The following RBFOX1 variants were observed in gnomAD, a reference collection of about 807,000 sequenced individuals.
RBFOX1 encodes RNA binding fox-1 homolog 1, also known as RNA binding protein fox-1 homolog 1.
Under a neutral mutation model 57.7 loss-of-function variants are expected in RBFOX1, and 8 were observed. The ratio of observed to expected loss-of-function variants is 0.14; its 90% CI spans 0.08 to 0.25. The LOEUF is 0.25. Ranked by LOEUF, RBFOX1 falls within the 10% of genes least tolerant of loss-of-function variation. The pLI is 1.00. For synonymous variants in RBFOX1, 326 were observed against 222.4 expected, an observed-to-expected ratio of 1.47 and a Z score of -4.15; for missense variants, 611 against 548.5, an observed-to-expected ratio of 1.11 and a Z score of -1.14.
intron 4 of RBFOX1, among the ~76,000 whole-genome samples, chr16:7,409,444 G>C (rs752593243): frequency 6.6e-6 from 1 of 152,112 alleles, no homozygotes; most frequent in South Asian, 2.1e-4. Flanking sequence ...TTCTTTCCCC[G>C]TCCCCATTGT....
intron 4 of RBFOX1, among the ~76,000 whole-genome samples, chr16:7,345,786 C>T (rs968283806): frequency 2.6e-5 from 4 of 152,128 alleles, no homozygotes; most frequent in Admixed American, 6.6e-5. Context: ...GAGACGCCGT[C>T]TGCATGTGTA....
chr16:6,938,722 A>C lies in RBFOX1; in HGVS notation c.-15-113335A>C, dbSNP rs141128379. Reference sequence around the variant, plus strand: ...GGCTGGTCTCGAATCACTTGAGATCAGAAGTTTGAAACCAGTTTGGCTGTC... The same window carrying C: ...GGCTGGTCTCGAATCACTTGAGATCCGAAGTTTGAAACCAGTTTGGCTGTC... On this transcript the variant is annotated intron_variant, in intron 3 of 15. Coordinates refer to ENST00000550418, the MANE Select transcript of RBFOX1 (RefSeq NM_018723.4). Among the ~76,000 whole-genome samples the C allele has an allele frequency of 7.6e-3, 1,152 of 152,264 alleles. 13 individuals are homozygous for C. The highest frequency in any genetic ancestry group is 0.049 in the South Asian group (235 of 4,824).
intron 1 of RBFOX1, among the ~76,000 whole-genome samples, chr16:5,380,343 C>T (rs934925231): frequency 6.6e-6 from 1 of 152,168 alleles, no homozygotes; most frequent in Non-Finnish European, 1.5e-5. Flanking sequence ...GATAGACGTA[C>T]AGAGCGGTTA....
rs977675077 is a variant in RBFOX1, at chr16:5,351,918, C to G, written c.219+111813C>G. Among the ~76,000 whole-genome samples, 6 of 152,294 alleles carry G rather than the reference C, an allele frequency of 3.9e-5. No individual in the cohort carries two copies. In the East Asian group the frequency reaches 7.7e-4, roughly 20 times the overall value. On this transcript the variant is annotated intron_variant, in intron 1 of 2. Transcript: ENST00000585867. ...TCCTGGGTTCAAGCGATTTTCCTGT[C>G]TCAACCTTCCGAGTAGCTGGGATTA... is the stretch of plus-strand genomic sequence containing the variant.
chr16:6,194,144 G>A (rs1439896619), intron 1 of RBFOX1, among the ~76,000 whole-genome samples: 1 of 152,136 alleles, frequency 6.6e-6, no homozygotes, highest in African/African-American at 2.4e-5. Context: ...TCCTCTCTCA[G>A]TTGATGGCCC....
intron 2 of RBFOX1, among the ~76,000 whole-genome samples, chr16:5,548,599 C>G (rs2045330520): frequency 6.6e-6 from 1 of 151,860 alleles, no homozygotes; most frequent in African/African-American, 2.4e-5. Flanking sequence ...ATGCCTGTAT[C>G]AAAACATCTC....
At chr16:7,470,224 G>A (rs1014864559) in intron 4 of RBFOX1, among the ~76,000 whole-genome samples, 3 of 152,192 alleles carry the variant, frequency 2.0e-5, no homozygotes, top group Non-Finnish European at 2.9e-5. Flanking sequence ...ATCTCACAGA[G>A]TATAAGAGCT....
chr16:6,049,053 CTT>C (rs534794320), intron 1 of RBFOX1, among the ~76,000 whole-genome samples: 29 of 112,860 alleles, frequency 2.6e-4, no homozygotes, highest in East Asian at 2.3e-3. Flanking sequence ...CTTCTAACAG[CTT>C]TTTTTTTTTT....
chr16:6,522,724 T>A (rs192721054), intron 2 of RBFOX1, among the ~76,000 whole-genome samples: 1 of 152,172 alleles, frequency 6.6e-6, no homozygotes, highest in Non-Finnish European at 1.5e-5. Flanking sequence ...GATATTTTGG[T>A]AAAGGAGACT....
intron 3 of RBFOX1, among the ~76,000 whole-genome samples, chr16:7,045,468 G>A (rs1023497106): frequency 1.3e-5 from 2 of 151,980 alleles, no homozygotes; most frequent in Non-Finnish European, 2.9e-5. Flanking sequence ...CTATTTCCTT[G>A]GCTACTGTTG....
At chr16:7,401,435 G>C (rs964504441) in intron 4 of RBFOX1, among the ~76,000 whole-genome samples, 1 of 152,208 alleles carries the variant, frequency 6.6e-6, no homozygotes, top group Non-Finnish European at 1.5e-5. Flanking sequence ...GGAAGCCATA[G>C]ATGGGATGGC....
chr16:7,259,258 G>A lies in RBFOX1; in HGVS notation c.27+207160G>A, dbSNP rs190203179. 2.0e-3 allele frequency among the ~76,000 whole-genome samples: 302 copies of A among 152,226 alleles called. 2 individuals are homozygous for A. The highest frequency in any genetic ancestry group is 6.7e-3 in the African/African-American group (280 of 41,544). On this transcript the variant is annotated intron_variant, in intron 4 of 15. Coordinates refer to ENST00000550418, the MANE Select transcript of RBFOX1 (RefSeq NM_018723.4). The stretch of plus-strand genomic sequence containing the variant: ...TTAAACTGAAGGAAGGAAGGCTTTC[G>A]CTAGTAGGAAAGCAACTGCAAAGAG...
intron 14 of RBFOX1, among the ~76,000 whole-genome samples, chr16:7,707,953 G>A (rs2083030803): frequency 6.6e-6 from 1 of 152,158 alleles, no homozygotes; most frequent in African/African-American, 2.4e-5. Context: ...TATTAAGATA[G>A]CAGCATTCAA....
intron 2 of RBFOX1, among the ~76,000 whole-genome samples, chr16:6,498,673 A>C (rs2095839617): frequency 6.6e-6 from 1 of 152,222 alleles, no homozygotes; most frequent in Non-Finnish European, 1.5e-5. Context: ...AGGGTTTCTA[A>C]AGAATGTGTG....
intron 2 of RBFOX1, among the ~76,000 whole-genome samples, chr16:5,549,271 TTCTG>T (rs1480758217): frequency 6.6e-6 from 1 of 152,182 alleles, no homozygotes; most frequent in Non-Finnish European, 1.5e-5. Flanking sequence ...CTGCAGATAC[TTCTG>T]TCTGTCTCAC....
At chr16:6,238,300 T>A (rs888830274) in intron 1 of RBFOX1, among the ~76,000 whole-genome samples, 6 of 152,144 alleles carry the variant, frequency 3.9e-5, no homozygotes, top group African/African-American at 1.4e-4. Flanking sequence ...ATTTGTCCTT[T>A]TGAAACTCCC....
At chr16:7,503,537 G>C (rs193205856) in intron 4 of RBFOX1, among the ~76,000 whole-genome samples, 16 of 152,256 alleles carry the variant, frequency 1.1e-4, no homozygotes, top group African/African-American at 9.6e-5. Context: ...AGTAGTATTA[G>C]CAATGGCACA....
chr16:6,961,167 A>C (rs1235059568), intron 3 of RBFOX1, among the ~76,000 whole-genome samples: 22 of 151,682 alleles, frequency 1.5e-4, no homozygotes, highest in Admixed American at 9.9e-4. Flanking sequence ...ACACACGCAA[A>C]AGAAAGAAAG....
intron 4 of RBFOX1, among the ~76,000 whole-genome samples, chr16:7,192,221 A>G (rs979786119): frequency 6.6e-6 from 1 of 152,216 alleles, no homozygotes; most frequent in Non-Finnish European, 1.5e-5. Context: ...TTTTACTGGC[A>G]TTTTATTGTT....
Sources: gnomAD v4.1 joint callset for allele counts (sites outside exome capture counted in the v4.1 genomes callset) on GRCh38, gnomAD v4.1.1 for gene constraint, MANE v1.5 for transcripts, NCBI Gene and HGNC (gene_info 2026-07-23, HGNC 2026-07-21) for gene names.